Variants in GREB1L observed in about 807,000 individuals in gnomAD.
The protein encoded by GREB1L is GREB1-like protein.
GREB1L carries 17 observed loss-of-function variants against 200.8 expected under a neutral mutation model. The ratio of observed to expected loss-of-function variants is 0.08; its 90% CI spans 0.06 to 0.13. The LOEUF is 0.13. Ranked by LOEUF, GREB1L falls within the 10% of genes least tolerant of loss-of-function variation. The pLI, the probability that GREB1L is intolerant of heterozygous loss-of-function variation, is 1.00. For synonymous variants in GREB1L, 789 were observed against 893.0 expected, an observed-to-expected ratio of 0.88 and a Z score of 2.08; for missense variants, 1,657 against 2,367.7, an observed-to-expected ratio of 0.70 and a Z score of 6.23.
At chr18:21,371,800 AG>A (rs1276737352) in intron 2 of GREB1L, among the ~76,000 whole-genome samples, 6 of 151,022 alleles carry the variant, frequency 4.0e-5, no homozygotes, top group Non-Finnish European at 8.8e-5. Context: ...AAAAAAAAAA[AG>A]GTGCTACTAT....
chr18:21,364,592 G>A (rs79085701), intron 1 of GREB1L, among the ~76,000 whole-genome samples: 2,978 of 152,298 alleles, frequency 0.02, 97 homozygotes, highest in African/African-American at 0.067. Flanking sequence ...ACAAATGGTT[G>A]AGTATCTTCC....
chr18:21,266,133 C>T (rs1165479270), intron 1 of GREB1L, among the ~76,000 whole-genome samples: 1 of 152,164 alleles, frequency 6.6e-6, no homozygotes, highest in Non-Finnish European at 1.5e-5. Context: ...AGGTCTGGCT[C>T]AGGTCCTTCT....
intron 1 of GREB1L, among the ~76,000 whole-genome samples, chr18:21,255,406 G>A (rs564196208): frequency 4.6e-5 from 7 of 152,284 alleles, no homozygotes; most frequent in East Asian, 3.9e-4. Context: ...ATGAAGGAAC[G>A]GAACATTTCC....
At chr18:21,416,540 A>C (rs2031649362) in intron 7 of GREB1L, among the ~76,000 whole-genome samples, 1 of 151,968 alleles carries the variant, frequency 6.6e-6, no homozygotes, top group Non-Finnish European at 1.5e-5. Flanking sequence ...AATATACAAA[A>C]AATTAGCCGG....
At chr18:21,489,922 C>A in intron 18 of GREB1L, 90 bp from the exon 19 acceptor site, 1 of 911,170 alleles carries the variant, frequency 1.1e-6, no homozygotes. Context: ...CCCTTCCCCA[C>A]CATGCTTAAT....
At chr18:21,359,620 A>G (rs2039554100) in intron 1 of GREB1L, among the ~76,000 whole-genome samples, 1 of 152,224 alleles carries the variant, frequency 6.6e-6, no homozygotes, top group African/African-American at 2.4e-5. Context: ...TCACGACTTG[A>G]GGAACTGCGT....
intron 7 of GREB1L, among the ~76,000 whole-genome samples, chr18:21,412,776 T>TAA (rs2031204868): frequency 6.6e-6 from 1 of 152,088 alleles, no homozygotes; most frequent in Non-Finnish European, 1.5e-5. Flanking sequence ...CCTTAAGCTA[T>TAA]AAATGTTTTG....
intron 1 of GREB1L, among the ~76,000 whole-genome samples, chr18:21,312,172 T>A (rs1717904631): frequency 6.6e-6 from 1 of 152,244 alleles, no homozygotes; most frequent in African/African-American, 2.4e-5. Flanking sequence ...TTTTCATGGC[T>A]GCATGGTATT....
At chr18:21,387,365 C>G (rs2040585853) in intron 4 of GREB1L, 2 of 152,260 alleles carry the variant, frequency 1.3e-5, no homozygotes, top group South Asian at 4.2e-4. Flanking sequence ...ATAAAGAAGA[C>G]CTGTCTACTA....
chr18:21,496,352 A>G (rs1489561460), intron 20 of GREB1L, 102 bp from the exon 21 acceptor site: 12 of 1,314,966 alleles, frequency 9.1e-6, no homozygotes, highest in Non-Finnish European at 1.3e-5. Flanking sequence ...ACTGAAACCT[A>G]TGATTTTAAC....
intron 1 of GREB1L, among the ~76,000 whole-genome samples, chr18:21,286,296 G>A (rs1369278202): frequency 6.6e-6 from 1 of 152,036 alleles, no homozygotes. Flanking sequence ...TATACTCAGG[G>A]GTAACAGGAG....
chr18:21,409,279 G>A (rs1392241183), intron 7 of GREB1L, among the ~76,000 whole-genome samples: 2 of 152,198 alleles, frequency 1.3e-5, no homozygotes, highest in African/African-American at 4.8e-5. Flanking sequence ...AGATGAAAGA[G>A]ACCACATATT....
At chr18:21,252,751 C>T (rs1334341047) in intron 1 of GREB1L, among the ~76,000 whole-genome samples, 3 of 151,618 alleles carry the variant, frequency 2.0e-5, no homozygotes, top group Non-Finnish European at 2.9e-5. Flanking sequence ...GCCTGTAATC[C>T]CAGCTACTCA....
At chr18:21,286,918 G>A (rs576922709) in intron 1 of GREB1L, among the ~76,000 whole-genome samples, 116 of 152,166 alleles carry the variant, frequency 7.6e-4, no homozygotes, top group South Asian at 4.2e-4. Context: ...AGGTGTTGGG[G>A]TTACAGGCGT....
At position 21,505,575 on chromosome 18, in the gene GREB1L, C is replaced by G. The variant is rs2036978623; in HGVS notation, c.4228+8C>G. ...TGGCAGGGGTCAAACAAGGTCAGTG[C>G]AATCAGCCAAGTTCACCTCCTCTCT... On this transcript the variant is annotated splice_region_variant and intron_variant, in intron 24 of 32. Transcript: ENST00000424526. 1 of 1,551,332 alleles carries G rather than the reference C, an allele frequency of 6.4e-7. No homozygotes were observed. Among genetic ancestry groups the G allele is most frequent in the South Asian group, 1.2e-5 (1 of 84,034 alleles).
intron 1 of GREB1L, among the ~76,000 whole-genome samples, chr18:21,266,489 GC>G (rs1000473956): frequency 3.3e-5 from 5 of 152,196 alleles, no homozygotes; most frequent in African/African-American, 1.2e-4. Flanking sequence ...GCCTTGGGCT[GC>G]AGGGAGGTAG....
At chr18:21,518,274 A>G in intron 31 of GREB1L, 40 bp downstream of exon 31, 1 of 1,510,264 alleles carries the variant, frequency 6.6e-7, no homozygotes, top group Non-Finnish European at 9.0e-7. Flanking sequence ...ACCTACATCC[A>G]TCCATTTCTT....
chr18:21,315,374 A>G (rs2038851517), intron 1 of GREB1L, among the ~76,000 whole-genome samples: 1 of 152,212 alleles, frequency 6.6e-6, no homozygotes, highest in African/African-American at 2.4e-5. Context: ...CACAGGCATG[A>G]GCTACCACGC....
intron 7 of GREB1L, among the ~76,000 whole-genome samples, chr18:21,426,344 A>G (rs2032574532): frequency 6.6e-6 from 1 of 152,186 alleles, no homozygotes; most frequent in African/African-American, 2.4e-5. Context: ...GGCATGAGCC[A>G]CCGCGCCCGG....
Sources: gnomAD v4.1 joint callset for allele counts (sites outside exome capture counted in the v4.1 genomes callset) on GRCh38, gnomAD v4.1.1 for gene constraint, MANE v1.5 for transcripts, NCBI Gene and HGNC (gene_info 2026-07-23, HGNC 2026-07-21) for gene names.